The following CCSER1 variants were observed in gnomAD, a reference collection of about 807,000 sequenced individuals.
The protein encoded by CCSER1 is coiled-coil serine rich protein 1, also known as serine-rich coiled-coil domain-containing protein 1.
CCSER1 carries 41 observed loss-of-function variants against 82.0 expected under a neutral mutation model. The ratio of observed to expected loss-of-function variants is 0.50; its 90% CI spans 0.39 to 0.65. The LOEUF is 0.65. Among genes scored for constraint, CCSER1 ranks in the 30% least tolerant of loss-of-function variants. CCSER1 has a pLI of 0.00. For synonymous variants in CCSER1, 414 were observed against 383.9 expected (o/e 1.08, Z -0.92); for missense variants, 1,119 against 1,064.2 (o/e 1.05, Z -0.72).
At chr4:90,429,414 G>T (rs144984732) in intron 4 of CCSER1, among the ~76,000 whole-genome samples, 16 of 151,878 alleles carry the variant, frequency 1.1e-4, no homozygotes, top group Non-Finnish European at 1.9e-4. Flanking sequence ...GAAATTTGAG[G>T]AATTTCCGCA....
chr4:91,168,694 G>T (rs1732430825), intron 10 of CCSER1, among the ~76,000 whole-genome samples: 1 of 151,944 alleles, frequency 6.6e-6, no homozygotes, highest in African/African-American at 2.4e-5. Context: ...GTACCCAACA[G>T]CTCCGAAGAG....
chr4:91,154,468 C>T (rs1319834193), intron 10 of CCSER1, among the ~76,000 whole-genome samples: 1 of 151,172 alleles, frequency 6.6e-6, no homozygotes, highest in African/African-American at 2.4e-5. Flanking sequence ...CTGGGTGAGG[C>T]AATGCCAATG....
At chr4:90,497,694 G>A (rs762479926) in intron 5 of CCSER1, among the ~76,000 whole-genome samples, 2 of 152,248 alleles carry the variant, frequency 1.3e-5, no homozygotes, top group African/African-American at 4.8e-5. Flanking sequence ...ACTAATTACT[G>A]TATTTGTTAT....
chr4:90,908,555 T>C (rs1391959662), intron 8 of CCSER1, among the ~76,000 whole-genome samples: 1 of 152,140 alleles, frequency 6.6e-6, no homozygotes. Flanking sequence ...ATGCTAAATA[T>C]GTTATACTTA....
chr4:90,768,798 G>A (rs1239485186), intron 7 of CCSER1, among the ~76,000 whole-genome samples: 1 of 152,174 alleles, frequency 6.6e-6, no homozygotes, highest in Non-Finnish European at 1.5e-5. Context: ...AGATGTCTTA[G>A]CAAAGAGTTG....
intron 10 of CCSER1, among the ~76,000 whole-genome samples, chr4:91,267,414 G>A (rs1452204155): frequency 6.6e-5 from 10 of 152,038 alleles, no homozygotes; most frequent in Non-Finnish European, 1.5e-4. Context: ...GTTTCTCTCT[G>A]CTTTTACAGA....
chr4:90,967,864 G>A (rs1734718134), intron 9 of CCSER1, among the ~76,000 whole-genome samples: 1 of 152,050 alleles, frequency 6.6e-6, no homozygotes, highest in Non-Finnish European at 1.5e-5. Flanking sequence ...AGTGCCAGCA[G>A]CCCAATGGGA....
At chr4:90,612,636 T>A (rs559475959) in intron 5 of CCSER1, among the ~76,000 whole-genome samples, 1 of 152,204 alleles carries the variant, frequency 6.6e-6, no homozygotes, top group Middle Eastern at 3.2e-3. Flanking sequence ...GAATAGCTTA[T>A]GTATTTTTGC....
chr4:90,460,081 C>T (rs1762685866), intron 4 of CCSER1, among the ~76,000 whole-genome samples: 1 of 151,306 alleles, frequency 6.6e-6, no homozygotes, highest in Admixed American at 6.6e-5. Flanking sequence ...AATCCCAGCA[C>T]TTTGGGAGGC....
chr4:90,388,093 C>T (rs999487272), intron 3 of CCSER1, among the ~76,000 whole-genome samples: 4 of 152,128 alleles, frequency 2.6e-5, no homozygotes, highest in Non-Finnish European at 5.9e-5. Flanking sequence ...TAGACTTGAA[C>T]GGCTTGCAGG....
chr4:90,905,812 A>C (rs1015913434), intron 8 of CCSER1, among the ~76,000 whole-genome samples: 1 of 152,188 alleles, frequency 6.6e-6, no homozygotes, highest in Admixed American at 6.6e-5. Context: ...GTTGTGTCCT[A>C]CTCAGGAGTT....
chr4:91,135,906 A>G (rs1390008144), intron 10 of CCSER1, among the ~76,000 whole-genome samples: 1 of 152,194 alleles, frequency 6.6e-6, no homozygotes, highest in East Asian at 1.9e-4. Flanking sequence ...GTATATTTGT[A>G]TAAACCTGAA....
intron 5 of CCSER1, among the ~76,000 whole-genome samples, chr4:90,563,291 T>C (rs1321364050): frequency 2.0e-5 from 3 of 152,036 alleles, no homozygotes; most frequent in African/African-American, 7.2e-5. Context: ...TTTGTATTTT[T>C]AATAGAGACA....
At chr4:91,018,433 C>A (rs548925610) in intron 9 of CCSER1, among the ~76,000 whole-genome samples, 1 of 152,218 alleles carries the variant, frequency 6.6e-6, no homozygotes, top group Non-Finnish European at 1.5e-5. Context: ...TCTTTATCTG[C>A]AATCTGGATT....
chr4:91,469,822 A>G (rs1385244306), intron 10 of CCSER1, among the ~76,000 whole-genome samples: 1 of 152,210 alleles, frequency 6.6e-6, no homozygotes, highest in Admixed American at 6.5e-5. Context: ...AAGATAATTA[A>G]TAGTGATTTC....
At chr4:90,485,889 T>A (rs1475997534) in intron 5 of CCSER1, among the ~76,000 whole-genome samples, 1 of 152,172 alleles carries the variant, frequency 6.6e-6, no homozygotes, top group Non-Finnish European at 1.5e-5. Flanking sequence ...TTTTATTTTT[T>A]GTTTTGTTTT....
intron 8 of CCSER1, among the ~76,000 whole-genome samples, chr4:90,884,624 A>C (rs1721847010): frequency 6.6e-6 from 1 of 152,110 alleles, no homozygotes; most frequent in African/African-American, 2.4e-5. Flanking sequence ...AAAATGTTAA[A>C]ATTTGACAAA....
chr4:90,647,249 G>C (rs1349775878), intron 6 of CCSER1, among the ~76,000 whole-genome samples: 3 of 152,108 alleles, frequency 2.0e-5, no homozygotes, highest in African/African-American at 7.2e-5. Context: ...GAGCCAGTTT[G>C]GCCACTGCCA....
chr4:90,937,480 A>AACACACACAC (rs148799317), intron 9 of CCSER1, among the ~76,000 whole-genome samples: 4,330 of 146,104 alleles, frequency 0.03, 81 homozygotes, highest in African/African-American at 0.061. Context: ...TCTAATTTGA[A>AACACACACAC]ACACACACAC....
Sources: gnomAD v4.1 joint callset for allele counts (sites outside exome capture counted in the v4.1 genomes callset) on GRCh38, gnomAD v4.1.1 for gene constraint, MANE v1.5 for transcripts, NCBI Gene and HGNC (gene_info 2026-07-23, HGNC 2026-07-21) for gene names.